The following ANXA8 variants were observed in gnomAD, a reference collection of about 807,000 sequenced individuals.
The protein encoded by ANXA8 is VAC-beta.
Under a neutral mutation model 26.8 loss-of-function variants are expected in ANXA8, and 9 were observed. The observed-to-expected ratio is 0.34, with a 90% CI of 0.20 to 0.59. ANXA8 has a LOEUF of 0.59. ANXA8 is among the 20% of genes least tolerant of loss of function. The probability of loss-of-function intolerance (pLI) is 0.84; values close to 1 mark genes in which losing one functional copy is unlikely to be tolerated. For missense variants in ANXA8, 83 were observed against 238.5 expected (o/e 0.35, Z 4.29); for synonymous variants, 39 against 94.8 (o/e 0.41, Z 3.42).
the ANXA8 span, among the ~76,000 whole-genome samples, chr10:47,567,520 G>T: frequency 1.3e-5 from 2 of 150,032 alleles, no homozygotes; most frequent in South Asian, 2.1e-4. Flanking sequence ...CCAGCCAGCC[G>T]CCTTCTCTGC....
chr10:47,969,090 T>G, the ANXA8 span, among the ~76,000 whole-genome samples: 1 of 150,112 alleles, frequency 6.7e-6, no homozygotes, highest in Non-Finnish European at 1.5e-5. Context: ...GGAAAGATCG[T>G]GCAGGAGAAA....
the ANXA8 span, among the ~76,000 whole-genome samples, chr10:47,695,463 A>G: frequency 6.6e-6 from 1 of 151,812 alleles, no homozygotes. Flanking sequence ...GCAGCATAGC[A>G]TCAACAAATG....
At chr10:47,982,208 T>C in the ANXA8 span, among the ~76,000 whole-genome samples, 1 of 150,026 alleles carries the variant, frequency 6.7e-6, no homozygotes, top group African/African-American at 2.4e-5. Flanking sequence ...GAGGATCACT[T>C]GAGCCCAAGA....
At chr10:47,616,352 C>CAAAT in the ANXA8 span, among the ~76,000 whole-genome samples, 5 of 62,968 alleles carry the variant, frequency 7.9e-5, 2 homozygotes, top group Non-Finnish European at 2.0e-4. Flanking sequence ...TATTTGTTAA[C>CAAAT]CTGTGTAATT....
upstream of ANXA8, chr10:47,484,610 T>A: frequency 1.1e-6 from 1 of 882,938 alleles, no homozygotes; most frequent in Non-Finnish European, 1.7e-6. Context: ...CTCTGGCTCC[T>A]GCCTGGCTCT....
the ANXA8 span, among the ~76,000 whole-genome samples, chr10:47,571,076 G>A: frequency 6.9e-6 from 1 of 144,944 alleles, no homozygotes; most frequent in Admixed American, 6.9e-5. Context: ...GTCATGTTCA[G>A]CCTGTTAATA....
the ANXA8 span, among the ~76,000 whole-genome samples, chr10:47,667,531 T>C: frequency 6.6e-6 from 1 of 151,736 alleles, no homozygotes; most frequent in Non-Finnish European, 1.5e-5. Flanking sequence ...TTTAAATTTA[T>C]TTATATATTT....
At chr10:47,761,116 AC>A in the ANXA8 span, among the ~76,000 whole-genome samples, 1 of 150,638 alleles carries the variant, frequency 6.6e-6, no homozygotes, top group Non-Finnish European at 1.5e-5. Flanking sequence ...ACACACACAC[AC>A]ACACACACAC....
chr10:47,738,537 C>T, the ANXA8 span, among the ~76,000 whole-genome samples: 1 of 150,798 alleles, frequency 6.6e-6, no homozygotes, highest in Non-Finnish European at 1.5e-5. Context: ...TTAGCTTTAG[C>T]TTTATTTAGC....
the ANXA8 span, among the ~76,000 whole-genome samples, chr10:47,662,576 AGAG>A: frequency 6.8e-6 from 1 of 147,628 alleles, no homozygotes; most frequent in African/African-American, 2.5e-5. Context: ...TTACTAATAC[AGAG>A]GACTTGAGTT....
the ANXA8 span, among the ~76,000 whole-genome samples, chr10:47,702,401 C>T: frequency 4.0e-5 from 6 of 149,218 alleles, no homozygotes; most frequent in East Asian, 6.0e-4. Flanking sequence ...AGTGCAGTGG[C>T]GTGATCTTGG....
At chr10:47,639,866 C>A in the ANXA8 span, among the ~76,000 whole-genome samples, 1 of 143,990 alleles carries the variant, frequency 6.9e-6, no homozygotes, top group African/African-American at 2.7e-5. Context: ...CAGCCTCTGC[C>A]TCCTGGGCTC....
the ANXA8 span, among the ~76,000 whole-genome samples, chr10:47,655,768 C>T: frequency 4.6e-5 from 7 of 151,988 alleles, no homozygotes; most frequent in African/African-American, 1.2e-4. Context: ...TGCCTGTAAT[C>T]CCAGCACTTT....
the ANXA8 span, among the ~76,000 whole-genome samples, chr10:47,506,861 G>A: frequency 5.2e-5 from 7 of 134,698 alleles, no homozygotes; most frequent in South Asian, 2.5e-4. Context: ...GGATGGTCTC[G>A]ATCTCCTGAC....
chr10:47,772,081 C>T, the ANXA8 span, among the ~76,000 whole-genome samples: 4 of 151,678 alleles, frequency 2.6e-5, no homozygotes, highest in African/African-American at 9.7e-5. Flanking sequence ...TGCTGCCAAA[C>T]CATGAAGCCA....
the ANXA8 span, among the ~76,000 whole-genome samples, chr10:47,492,342 A>G: frequency 2.0e-5 from 3 of 147,594 alleles, no homozygotes; most frequent in African/African-American, 7.3e-5. Context: ...CACTCACCCA[A>G]GAGGCTCTGT....
the ANXA8 span, among the ~76,000 whole-genome samples, chr10:47,733,273 TTC>T: frequency 8.7e-6 from 1 of 114,922 alleles, no homozygotes; most frequent in African/African-American, 3.5e-5. Flanking sequence ...CTTTCTTTCT[TTC>T]TTTCTTTCTT....
chr10:47,895,118 C>T, the ANXA8 span, among the ~76,000 whole-genome samples: 1 of 151,742 alleles, frequency 6.6e-6, no homozygotes, highest in Non-Finnish European at 1.5e-5. Context: ...CACACACACA[C>T]TTAATTTGGC....
the ANXA8 span, among the ~76,000 whole-genome samples, chr10:47,936,791 C>T: frequency 2.0e-5 from 3 of 151,952 alleles, no homozygotes; most frequent in East Asian, 5.8e-4. Context: ...CTGACATCAG[C>T]CCGGCTAGGT....
Sources: gnomAD v4.1 joint callset for allele counts (sites outside exome capture counted in the v4.1 genomes callset) on GRCh38, gnomAD v4.1.1 for gene constraint, MANE v1.5 for transcripts, NCBI Gene and HGNC (gene_info 2026-07-23, HGNC 2026-07-21) for gene names.